The following NWD1 variants were observed in gnomAD, a reference collection of about 807,000 sequenced individuals.
NWD1 encodes NACHT and WD repeat domain containing 1.
NWD1 carries 129 observed loss-of-function variants against 135.1 expected under a neutral mutation model. That is an observed-to-expected ratio of 0.96 (90% CI 0.83 to 1.11). The LOEUF (loss-of-function observed/expected upper bound fraction) is 1.11, where lower values mean the gene tolerates loss of function less well. Among genes scored for constraint, NWD1 ranks in the 50% least tolerant of loss-of-function variants. NWD1 has a pLI of 0.00. For missense variants in NWD1, 1,740 were observed against 1,851.3 expected (o/e 0.94, Z 1.10); for synonymous variants, 773 against 786.0 (o/e 0.98, Z 0.28).
chr19:16,740,317 A>G (rs2122751401), intron 4 of NWD1, among the ~76,000 whole-genome samples: 2 of 151,978 alleles, frequency 1.3e-5, no homozygotes, highest in East Asian at 3.9e-4. Context: ...AAAAGAAGAA[A>G]AAAGAATAGA....
chr19:16,810,437 C>CAAAAAA (rs529841524), intron 18 of NWD1, among the ~76,000 whole-genome samples: 11 of 66,146 alleles, frequency 1.7e-4, no homozygotes, highest in African/African-American at 3.3e-4. Flanking sequence ...GACTCCATCT[C>CAAAAAA]AAAAAAAAAA....
At position 16,763,812 on chromosome 19, in the gene NWD1, C is replaced by T. The variant is rs771673520; in HGVS notation, c.2134-16C>T. ...GGGTTTGTGTCCAAGCTGCAGTCTC[C>T]CTTCTCCTCTGCCAGGTGGCCCCGC... is the stretch of plus-strand genomic sequence containing the variant. On this transcript the variant is annotated splice_polypyrimidine_tract_variant and intron_variant, in intron 8 of 18. Coordinates refer to ENST00000524140, the MANE Select transcript of NWD1 (RefSeq NM_001007525.5). 1 of 1,543,588 alleles carries T rather than the reference C, an allele frequency of 6.5e-7. No individual in the cohort carries two copies. Among genetic ancestry groups the T allele is most frequent in the African/African-American group, 1.4e-5 (1 of 73,726 alleles).
chr19:16,736,826 G>A, intron 4 of NWD1, 76 bp downstream of exon 4: 1 of 874,076 alleles, frequency 1.1e-6, no homozygotes, highest in Non-Finnish European at 1.8e-6. Context: ...AAACTGATCA[G>A]CAGAGGGAAG....
chr19:16,751,563 G>A (rs1968580779), intron 6 of NWD1, among the ~76,000 whole-genome samples: 2 of 151,656 alleles, frequency 1.3e-5, no homozygotes, highest in African/African-American at 4.8e-5. Flanking sequence ...CACTTTGGGA[G>A]GCCAAGGCAG....
chr19:16,779,367 T>A lies in NWD1; in HGVS notation c.2633T>A (p.Val878Glu), dbSNP rs1555727853. Reference sequence around the variant, plus strand: ...GGCATCACCGCCATGGCATGGGGTGTGGAGGAGAAGCTGCTGGTGATTGGC... The same window carrying A: ...GGCATCACCGCCATGGCATGGGGTGAGGAGGAGAAGCTGCTGGTGATTGGC... Reference protein sequence around the residue: ...HKGITAMAWGVEEKLLVIGTQ... With the variant: ...HKGITAMAWGEEEKLLVIGTQ... Residue 878 changes from valine to glutamate, a missense_variant, in exon 12 of 19, where the codon GTG (valine) becomes GAG (glutamate). Coordinates refer to ENST00000524140, the MANE Select transcript of NWD1 (RefSeq NM_001007525.5). 2 of 1,613,772 alleles carry A rather than the reference T, an allele frequency of 1.2e-6. No homozygotes were observed. The highest frequency in any genetic ancestry group is 1.7e-6 in the Non-Finnish European group (2 of 1,179,910).
At chr19:16,735,631 C>T (rs1599432960) in intron 3 of NWD1, among the ~76,000 whole-genome samples, 1 of 151,654 alleles carries the variant, frequency 6.6e-6, no homozygotes, top group East Asian at 1.9e-4. Flanking sequence ...GAGTTCGAGA[C>T]CAGCCTGGCC....
intron 10 of NWD1, among the ~76,000 whole-genome samples, chr19:16,768,335 T>A (rs1295385571): frequency 2.6e-5 from 4 of 152,094 alleles, no homozygotes; most frequent in African/African-American, 9.7e-5. Context: ...ATTTCCTTCC[T>A]TTTAAAGGCT....
chr19:16,754,851 A>T (rs1213432110), intron 6 of NWD1, among the ~76,000 whole-genome samples: 7 of 151,188 alleles, frequency 4.6e-5, no homozygotes, highest in African/African-American at 1.5e-4. Flanking sequence ...TGCATCCATC[A>T]TCTCTATCTT....
rs1296933888 is a variant in NWD1, at chr19:16,749,272, G to A, written c.630G>A (p.Arg210=). ...ACTGCGCCCTTAGGATGGTGGACCG[G>A]CTCGCGGATGGCTGCCTGGACGCTG... ...LEDCALRMVD[R]LADGCLDADA... The change falls in exon 6 of 19, where the codon CGG becomes CGA. Residue 210 remains arginine, a synonymous_variant. Coordinates refer to ENST00000524140, the MANE Select transcript of NWD1 (RefSeq NM_001007525.5). 6.2e-7 allele frequency: 1 copy of A among 1,613,932 alleles called. No homozygotes were observed. Among genetic ancestry groups the A allele is most frequent in the Non-Finnish European group, 8.5e-7 (1 of 1,180,014 alleles).
chr19:16,763,989 C>T (rs375269352), intron 9 of NWD1, 44 bp downstream of exon 9: 46 of 1,142,158 alleles, frequency 4.0e-5, no homozygotes, highest in Non-Finnish European at 5.3e-6. Context: ...CTGGTGACTG[C>T]ACCACGCTCC....
At chr19:16,808,539 C>T (rs900945494) in intron 18 of NWD1, among the ~76,000 whole-genome samples, 2 of 149,042 alleles carry the variant, frequency 1.3e-5, no homozygotes, top group East Asian at 3.9e-4. Flanking sequence ...ACAGACACTC[C>T]GTTTAAAAAA....
Position 16,762,042 on chromosome 19 carries a change from C to T in NWD1, c.2037C>T (p.Gly679=), listed in dbSNP as rs1331538095. 3.1e-6 allele frequency: 5 copies of T among 1,613,962 alleles called. No individual in the cohort carries two copies. The Admixed American group carries it at 5.0e-5, about 16-fold the overall frequency. ...LSGSERAKRH[G]VLADFFSGTW... is the part of the protein sequence containing the mutation. ...GATCCGAGAGAGCCAAGAGGCATGG[C>T]GTCCTGGCCGACTTCTTCTCAGGGA... Residue 679 remains glycine (G), a synonymous_variant, in exon 8 of 19, where the codon GGC becomes GGT. Transcript: ENST00000524140.
intron 12 of NWD1, among the ~76,000 whole-genome samples, chr19:16,782,412 G>A (rs1435404914): frequency 1.3e-5 from 2 of 151,908 alleles, no homozygotes; most frequent in Non-Finnish European, 2.9e-5. Flanking sequence ...GCTGCAGTGA[G>A]CCATGTTTGC....
intron 10 of NWD1, among the ~76,000 whole-genome samples, chr19:16,769,494 CT>C (rs1360449107): frequency 6.6e-6 from 1 of 151,590 alleles, no homozygotes; most frequent in Non-Finnish European, 1.5e-5. Context: ...CACTAAGTAT[CT>C]CTATTGAATC....
chr19:16,774,587 C>T (rs1290874345), intron 11 of NWD1, among the ~76,000 whole-genome samples: 1 of 151,602 alleles, frequency 6.6e-6, no homozygotes, highest in Non-Finnish European at 1.5e-5. Flanking sequence ...CATTTACTCA[C>T]CTTTTCATTA....
chr19:16,741,405 G>A (rs1341541817), intron 4 of NWD1, among the ~76,000 whole-genome samples: 3 of 138,986 alleles, frequency 2.2e-5, no homozygotes. Flanking sequence ...TTACTCTGTC[G>A]CCCAGGCTGG....
At chr19:16,814,393 A>G (rs753586666) in intron 18 of NWD1, among the ~76,000 whole-genome samples, 1 of 152,136 alleles carries the variant, frequency 6.6e-6, no homozygotes, top group Non-Finnish European at 1.5e-5. Flanking sequence ...CTCATTGTGT[A>G]TTATCTCTTT....
intron 1 of NWD1, among the ~76,000 whole-genome samples, chr19:16,721,046 C>T (rs569451403): frequency 1.1e-4 from 17 of 152,148 alleles, no homozygotes; most frequent in African/African-American, 3.6e-4. Context: ...GATGGGGTTT[C>T]GCCATGTTGG....
chr19:16,731,310 T>C, intron 3 of NWD1, 32 bp downstream of exon 3: 1 of 1,325,390 alleles, frequency 7.5e-7, no homozygotes, highest in Non-Finnish European at 1.0e-6. Context: ...CTCCATGCTT[T>C]TTTTATTTTT....
Sources: gnomAD v4.1 joint callset for allele counts (sites outside exome capture counted in the v4.1 genomes callset) on GRCh38, gnomAD v4.1.1 for gene constraint, MANE v1.5 for transcripts, NCBI Gene and HGNC (gene_info 2026-07-23, HGNC 2026-07-21) for gene names.